NONO: variants seen among roughly 807,000 people sequenced by gnomAD.
NONO encodes the protein non-POU domain containing octamer binding.
In NONO, 6 loss-of-function variants were observed where a neutral mutation model predicts 40.2. That is an observed-to-expected ratio of 0.15 (90% CI 0.08 to 0.29). The LOEUF (loss-of-function observed/expected upper bound fraction) is 0.29, where lower values mean the gene tolerates loss of function less well. Among genes scored for constraint, NONO ranks in the 10% least tolerant of loss-of-function variants. The pLI, the probability that NONO is intolerant of heterozygous loss-of-function variation, is 1.00. For missense variants in NONO, 133 were observed against 397.8 expected (o/e 0.33, Z 5.66); for synonymous variants, 89 against 123.3 (o/e 0.72, Z 1.85).
intron 7 of NONO, 38 bp downstream of exon 7, chrX:71,297,085 A>C (rs2148039032): frequency 9.3e-7 from 1 of 1,073,763 alleles, no homozygotes; most frequent in Non-Finnish European, 1.2e-6. Flanking sequence ...CTGAAAGGAC[A>C]AAATGACATT....
At position 71,300,337 on chromosome X, in the gene NONO, A is replaced by G; in HGVS notation, c.*261A>G. 2.7e-6 allele frequency: 1 copy of G among 372,121 alleles called. No individual in the cohort carries two copies. Among genetic ancestry groups the G allele is most frequent in the Non-Finnish European group, 4.7e-6 (1 of 211,860 alleles). The allele number at this position is 372,121 out of a possible 1,213,427, so 30.7% of individuals were successfully genotyped here. A position where few individuals can be genotyped will look rare whatever the true frequency, so the allele number is the denominator to read the frequency against. ...AATGTGACTGTTGAGGGCCTGGGGA[A>G]ACCATGGCAAAGTGGATCCAGTTAG... On this transcript the variant is annotated 3_prime_UTR_variant, in exon 12 of 12. Transcript: ENST00000276079.
intron 5 of NONO, 137 bp downstream of exon 5, chrX:71,294,665 C>T: frequency 1.6e-6 from 1 of 611,102 alleles, no homozygotes; most frequent in Non-Finnish European, 2.4e-6. Flanking sequence ...CTCCTGTAAT[C>T]CCAGCACTTT....
At chrX:71,293,899 G>A in intron 4 of NONO, 1 of 219,871 alleles carries the variant, frequency 4.5e-6, no homozygotes, top group Admixed American at 6.4e-5. Context: ...CAAAATTCTG[G>A]GATTACAGGC....
At chrX:71,287,434 A>G (rs895317677) in intron 2 of NONO, among the ~76,000 whole-genome samples, 3 of 109,689 alleles carry the variant, frequency 2.7e-5, no homozygotes, top group African/African-American at 6.7e-5. Context: ...CTGGAGTGCA[A>G]TGGCAGCATC....
intron 3 of NONO, among the ~76,000 whole-genome samples, chrX:71,291,130 T>C (rs2031317305): frequency 8.9e-6 from 1 of 112,363 alleles, no homozygotes; most frequent in South Asian, 3.6e-4. Flanking sequence ...AAGGCTTAAA[T>C]GGAGAAGTCT....
intron 1 of NONO, chrX:71,284,093 GCTC>G (rs2031136026): frequency 9.0e-6 from 1 of 111,611 alleles, no homozygotes; most frequent in Non-Finnish European, 1.9e-5. Flanking sequence ...TTTGTCGGGC[GCTC>G]CTCCTCTCGG....
intron 6 of NONO, 66 bp from the exon 7 acceptor site, chrX:71,296,785 A>G: frequency 2.7e-6 from 3 of 1,112,355 alleles, no homozygotes; most frequent in Non-Finnish European, 2.4e-6. Context: ...TGGTCCTCAC[A>G]AGGAATGCAA....
chrX:71,288,833 G>A (rs1315547587), intron 2 of NONO, among the ~76,000 whole-genome samples: 1 of 112,618 alleles, frequency 8.9e-6, no homozygotes, highest in South Asian at 3.6e-4. Flanking sequence ...TGAGAGACAG[G>A]TATTTTTATC....
In NONO at chrX:71,296,550, T is replaced by A; in HGVS notation, c.651-15T>A. ...GTATGATTTGATTAACACTGAACTT[T>A]GTTCTTTCTTCCAGATTTCCTCGTC... On this transcript the variant is annotated splice_polypyrimidine_tract_variant and intron_variant, in intron 5 of 11. Coordinates refer to ENST00000276079, the MANE Select transcript of NONO (RefSeq NM_007363.5). The A allele has an allele frequency of 8.7e-7, 1 of 1,152,176 alleles. No individual in the cohort carries two copies. The highest frequency in any genetic ancestry group is 1.2e-6 in the Non-Finnish European group (1 of 848,211). The allele number at this position is 1,152,176 out of a possible 1,213,427, so 95.0% of individuals were successfully genotyped here.
chrX:71,290,369 ATTTTTTTCC>A (rs2031296841), intron 2 of NONO, among the ~76,000 whole-genome samples: 2 of 110,462 alleles, frequency 1.8e-5, no homozygotes, highest in Non-Finnish European at 3.8e-5. Flanking sequence ...TTTTTTCTTT[ATTTTTTTCC>A]TTTTTTGTTT....
intron 2 of NONO, among the ~76,000 whole-genome samples, chrX:71,288,496 A>G (rs1358065027): frequency 1.8e-5 from 2 of 111,603 alleles, no homozygotes; most frequent in African/African-American, 6.5e-5. Context: ...GGTTCAAGTG[A>G]TTCTCCTGGC....
intron 10 of NONO, 33 bp downstream of exon 10, chrX:71,298,541 C>T: frequency 8.5e-7 from 1 of 1,183,015 alleles, no homozygotes; most frequent in South Asian, 1.8e-5. Flanking sequence ...GCTCTGATTT[C>T]CTTTTTTGTT....
At chrX:71,296,802 G>T (rs768035555) in intron 6 of NONO, 49 bp from the exon 7 acceptor site, 6 of 1,144,172 alleles carry the variant, frequency 5.2e-6, no homozygotes, top group Non-Finnish European at 7.1e-6. Context: ...GCAATTCTTA[G>T]CTGGGGTAAT....
At chrX:71,293,957 T>C in intron 4 of NONO, 1 of 344,276 alleles carries the variant, frequency 2.9e-6, no homozygotes, top group Non-Finnish European at 5.1e-6. Flanking sequence ...GGATGATCTG[T>C]TGTCATTGGG....
chrX:71,297,468 T>C lies in NONO; in HGVS notation c.1028+7T>C, dbSNP rs774617448. 2 of 1,146,825 alleles carry C rather than the reference T, an allele frequency of 1.7e-6. No individual in the cohort carries two copies. Among genetic ancestry groups the C allele is most frequent in the Non-Finnish European group, 2.3e-6 (2 of 854,703 alleles). 94.5% of individuals were successfully genotyped at this position (1,146,825 alleles called of 1,213,427 possible). A position where few individuals can be genotyped will look rare whatever the true frequency, so the allele number is the denominator to read the frequency against. On this transcript the variant is annotated splice_region_variant and intron_variant, in intron 8 of 11. Coordinates refer to ENST00000276079, the MANE Select transcript of NONO (RefSeq NM_007363.5). ...GAAAGCAACTGGAGCTCAGGTAACT[T>C]TTCTCGAACACTTTTTCCCTAACAA...
intron 10 of NONO, 95 bp from the exon 11 acceptor site, chrX:71,298,612 T>C: frequency 9.5e-7 from 1 of 1,055,619 alleles, no homozygotes; most frequent in Non-Finnish European, 1.3e-6. Flanking sequence ...ATATATGTCT[T>C]ACTTAGCCCA....
At chrX:71,289,913 A>G (rs1338082763) in intron 2 of NONO, among the ~76,000 whole-genome samples, 2 of 111,275 alleles carry the variant, frequency 1.8e-5, no homozygotes, top group Non-Finnish European at 3.8e-5. Flanking sequence ...CTGGGATTAC[A>G]GGCGCCCGCT....
chrX:71,292,202 T>C, intron 4 of NONO: 1 of 125,874 alleles, frequency 7.9e-6, no homozygotes, highest in Non-Finnish European at 1.5e-5. Context: ...CCTTTGGAAC[T>C]TTTTTTTTTT....
chrX:71,286,075 TTTTA>T (rs1249214608), intron 2 of NONO, among the ~76,000 whole-genome samples: 1 of 112,165 alleles, frequency 8.9e-6, no homozygotes, highest in Non-Finnish European at 1.9e-5. Flanking sequence ...ATATTTGTAT[TTTTA>T]TTTATTTTGG....
Sources: gnomAD v4.1 joint callset for allele counts (sites outside exome capture counted in the v4.1 genomes callset) on GRCh38, gnomAD v4.1.1 for gene constraint, MANE v1.5 for transcripts, NCBI Gene and HGNC (gene_info 2026-07-23, HGNC 2026-07-21) for gene names.